Variants in ATRNL1 observed in about 807,000 individuals in gnomAD.
ATRNL1 encodes attractin like 1, also known as attractin-like protein 1.
A neutral mutation model predicts 182.7 loss-of-function variants in ATRNL1; 95 were observed. The ratio of observed to expected loss-of-function variants is 0.52; its 90% CI spans 0.44 to 0.62. The LOEUF is 0.62. Ranked by LOEUF, ATRNL1 falls within the 20% of genes least tolerant of loss-of-function variation. The probability of loss-of-function intolerance (pLI) is 0.00; values close to 1 mark genes in which losing one functional copy is unlikely to be tolerated. For synonymous variants in ATRNL1, 576 were observed against 568.3 expected, an observed-to-expected ratio of 1.01 and a Z score of -0.19; for missense variants, 1,471 against 1,679.5, an observed-to-expected ratio of 0.88 and a Z score of 2.17.
chr10:115,629,725 T>G (rs1858357181), intron 26 of ATRNL1, among the ~76,000 whole-genome samples: 1 of 152,128 alleles, frequency 6.6e-6, no homozygotes, highest in African/African-American at 2.4e-5. Flanking sequence ...GTAGTCTTCC[T>G]TTTCTGTGAG....
At chr10:115,421,189 A>T (rs535486436) in intron 20 of ATRNL1, among the ~76,000 whole-genome samples, 9 of 152,300 alleles carry the variant, frequency 5.9e-5, no homozygotes, top group Non-Finnish European at 1.3e-4. Context: ...TTCCAAACTC[A>T]TTCTATGAGG....
intron 15 of ATRNL1, among the ~76,000 whole-genome samples, chr10:115,299,477 A>T (rs1554923766): frequency 6.6e-6 from 1 of 152,094 alleles, no homozygotes; most frequent in African/African-American, 2.4e-5. Context: ...ATAGAAGTCC[A>T]GATTTATTTG....
At chr10:115,323,411 TC>T (rs1564913724) in intron 18 of ATRNL1, among the ~76,000 whole-genome samples, 3 of 58,398 alleles carry the variant, frequency 5.1e-5, no homozygotes, top group Non-Finnish European at 6.8e-5. Flanking sequence ...CTCCCTCCCC[TC>T]CCCTCCCCTC....
At chr10:115,869,909 A>T (rs1409982201) in intron 28 of ATRNL1, among the ~76,000 whole-genome samples, 1 of 146,628 alleles carries the variant, frequency 6.8e-6, no homozygotes, top group Non-Finnish European at 1.5e-5. Context: ...TTATGGATGT[A>T]TCATAAACTT....
chr10:115,652,818 G>T (rs1196849093), intron 26 of ATRNL1, among the ~76,000 whole-genome samples: 4 of 151,834 alleles, frequency 2.6e-5, no homozygotes, highest in African/African-American at 9.7e-5. Context: ...TTTTTCTGAG[G>T]TTATCTTATG....
intron 24 of ATRNL1, among the ~76,000 whole-genome samples, chr10:115,475,389 TTGTCAGTTATGA>T (rs1414126131): frequency 4.6e-5 from 7 of 151,544 alleles, no homozygotes; most frequent in Non-Finnish European, 7.4e-5. Flanking sequence ...ACCTATCAGT[TTGTCAGTTATGA>T]TGTCAGTAAT....
chr10:115,384,605 T>A (rs1858227526), intron 19 of ATRNL1, among the ~76,000 whole-genome samples: 1 of 152,138 alleles, frequency 6.6e-6, no homozygotes, highest in East Asian at 1.9e-4. Flanking sequence ...CACTTAAATT[T>A]GAATTTCATG....
At chr10:115,574,570 T>C (rs1555004528) in intron 26 of ATRNL1, among the ~76,000 whole-genome samples, 3 of 152,200 alleles carry the variant, frequency 2.0e-5, no homozygotes, top group African/African-American at 7.2e-5. Flanking sequence ...CAACTTGTAC[T>C]GAATATTTGG....
At chr10:115,146,834 A>G (rs1379428491) in intron 5 of ATRNL1, among the ~76,000 whole-genome samples, 3 of 147,746 alleles carry the variant, frequency 2.0e-5, no homozygotes, top group Non-Finnish European at 4.5e-5. Context: ...CTAGCGTTCC[A>G]TTATGTATAT....
At chr10:115,422,982 C>T (rs1276206663) in intron 20 of ATRNL1, among the ~76,000 whole-genome samples, 1 of 152,068 alleles carries the variant, frequency 6.6e-6, no homozygotes, top group Admixed American at 6.5e-5. Flanking sequence ...CACAATTTAC[C>T]TATGTAACAA....
intron 24 of ATRNL1, among the ~76,000 whole-genome samples, chr10:115,482,354 A>G (rs1554974320): frequency 6.6e-6 from 1 of 151,034 alleles, no homozygotes; most frequent in African/African-American, 2.4e-5. Flanking sequence ...TAATTGCTCT[A>G]CAAGAGTTGC....
At chr10:115,271,549 C>T (rs1851867542) in intron 13 of ATRNL1, among the ~76,000 whole-genome samples, 1 of 152,112 alleles carries the variant, frequency 6.6e-6, no homozygotes. Context: ...AATCATGCTG[C>T]TATAAAGACA....
intron 27 of ATRNL1, among the ~76,000 whole-genome samples, chr10:115,751,444 A>G (rs781819228): frequency 1.1e-4 from 17 of 152,192 alleles, no homozygotes; most frequent in Middle Eastern, 3.4e-3. Context: ...CTTAAGAGGA[A>G]GGTTGTGAGA....
At chr10:115,288,875 C>T (rs1852758552) in intron 15 of ATRNL1, among the ~76,000 whole-genome samples, 1 of 151,348 alleles carries the variant, frequency 6.6e-6, no homozygotes, top group Admixed American at 6.6e-5. Flanking sequence ...TTTTCTAATT[C>T]AGATTGTGGT....
intron 26 of ATRNL1, among the ~76,000 whole-genome samples, chr10:115,627,336 T>C (rs538470132): frequency 2.0e-5 from 3 of 152,292 alleles, no homozygotes; most frequent in South Asian, 4.2e-4. Context: ...CTTTACGTTT[T>C]TGAAGTTTAT....
chr10:115,783,155 T>A (rs1388592742), intron 27 of ATRNL1, among the ~76,000 whole-genome samples: 2 of 152,138 alleles, frequency 1.3e-5, no homozygotes, highest in Non-Finnish European at 2.9e-5. Context: ...GGTGAATTGT[T>A]AACCCTTCTC....
At chr10:115,348,827 A>G (rs1856098433) in intron 19 of ATRNL1, among the ~76,000 whole-genome samples, 1 of 152,138 alleles carries the variant, frequency 6.6e-6, no homozygotes, top group Admixed American at 6.6e-5. Context: ...TAAAAAAATA[A>G]TTGGATATAT....
rs1953894851 is a variant in ATRNL1 at position 115,947,216 on chromosome 10, T to C, written c.*2437T>C. 1 of 152,612 alleles carries C rather than the reference T, an allele frequency of 6.6e-6. No individual in the cohort carries two copies. The highest frequency in any genetic ancestry group is 2.4e-5 in the African/African-American group (1 of 41,450). 9.5% of individuals were successfully genotyped at this position (152,612 alleles called of 1,614,324 possible). ...GATAATCACTTTGAATCTGTTGGTT[T>C]TTCCCCCTACATTCCAGACACTTTA... On this transcript the variant is annotated 3_prime_UTR_variant, in exon 29 of 29. Coordinates refer to ENST00000355044, the MANE Select transcript of ATRNL1 (RefSeq NM_207303.4).
chr10:115,444,465 TATTA>T (rs1554966264), intron 21 of ATRNL1, among the ~76,000 whole-genome samples: 1 of 151,994 alleles, frequency 6.6e-6, no homozygotes, highest in African/African-American at 2.4e-5. Context: ...AGTTGTTTTA[TATTA>T]ATTTCTTGGT....
Sources: allele counts gnomAD v4.1 joint callset (sites outside exome capture counted in the v4.1 genomes callset), GRCh38; gene constraint gnomAD v4.1.1; transcripts MANE v1.5; gene names NCBI Gene and HGNC (gene_info 2026-07-23, HGNC 2026-07-21).